Variants in UHMK1 observed in about 807,000 individuals in gnomAD.
UHMK1 encodes U2AF homology motif kinase 1, also known as serine/threonine-protein kinase Kist.
A neutral mutation model predicts 44.0 loss-of-function variants in UHMK1; 18 were observed. The ratio of observed to expected loss-of-function variants is 0.41; its 90% CI spans 0.28 to 0.61. The LOEUF is 0.61. Ranked by LOEUF, UHMK1 falls within the 20% of genes least tolerant of loss-of-function variation. The pLI, the probability that UHMK1 is intolerant of heterozygous loss-of-function variation, is 0.31. For synonymous variants in UHMK1, 231 were observed against 198.5 expected (o/e 1.16, Z -1.38); for missense variants, 463 against 522.5 (o/e 0.89, Z 1.11).
chr1:162,517,861 C>T (rs1379377430), intron 6 of UHMK1, among the ~76,000 whole-genome samples: 2 of 150,886 alleles, frequency 1.3e-5, no homozygotes, highest in Non-Finnish European at 2.9e-5. Flanking sequence ...TGGGGGACAG[C>T]GAGACTCTGT....
rs532378949 is a variant in UHMK1, at chr1:162,498,200, C to G, written c.200C>G (p.Ser67Cys). The change falls in exon 1 of 8, where the codon TCT becomes TGT. Residue 67 changes from serine to cysteine, a missense_variant. Around this residue, in one of 3 missense-constraint regions of UHMK1, gnomAD observed 191 missense variants for 176.0 expected, o/e 1.09. Transcript: ENST00000489294. The part of the protein sequence containing the change: ...LPPGTTGAAA[S>C]AAEYGFRKER... ...CCAGGAACCACCGGGGCTGCGGCCT[C>G]TGCCGCCGAGTATGGTTTCCGCAAA... The G allele has an allele frequency of 3.7e-6, 6 of 1,612,726 alleles. No homozygotes were observed. The South Asian group carries it at 4.4e-5, about 12-fold the overall frequency.
chr1:162,513,701 A>G (rs1651744437), intron 6 of UHMK1, among the ~76,000 whole-genome samples: 1 of 152,178 alleles, frequency 6.6e-6, no homozygotes, highest in African/African-American at 2.4e-5. Flanking sequence ...GTGTCAGAAA[A>G]CAGCAAATTG....
At chr1:162,508,634 G>A (rs1197264909) in intron 4 of UHMK1, among the ~76,000 whole-genome samples, 2 of 151,614 alleles carry the variant, frequency 1.3e-5, no homozygotes, top group Non-Finnish European at 2.9e-5. Flanking sequence ...TCCTGGAGGC[G>A]GAGGTTGCAG....
Position 162,523,687 on chromosome 1 carries a change from T to G in UHMK1, c.*1137T>G, listed in dbSNP as rs1329065034. On this transcript the variant is annotated 3_prime_UTR_variant, in exon 8 of 8. Transcript: ENST00000489294. ...GGAAAATAAAAGGATTCTTTTTTCT[T>G]CCTTTCTGTTTCTCGTATCCCTGCT... The G allele has an allele frequency of 6.6e-6, 1 of 152,246 alleles. No homozygotes were observed. Among genetic ancestry groups the G allele is most frequent in the East Asian group, 1.9e-4 (1 of 5,202 alleles). The allele number at this position is 152,246 out of a possible 1,614,324, so 9.4% of individuals were successfully genotyped here. A position where few individuals can be genotyped will look rare whatever the true frequency, so the allele number is the denominator to read the frequency against.
At chr1:162,509,373 A>G (rs1269152419) in intron 4 of UHMK1, among the ~76,000 whole-genome samples, 1 of 152,126 alleles carries the variant, frequency 6.6e-6, no homozygotes, top group Admixed American at 6.5e-5. Context: ...TAGTTTTAAG[A>G]GGTCTTAGTG....
rs1315052617 is a variant in UHMK1, at chr1:162,497,819, G to A, written c.-182G>A. On this transcript the variant is annotated 5_prime_UTR_variant, in exon 1 of 8. Transcript: ENST00000489294. ...GCTCTTCCTCCATTTCCGGCTTCTG[G>A]GACTCGGGTGCACCACGGCTTCCGG... 9.7e-6 allele frequency: 13 copies of A among 1,346,142 alleles called. No homozygotes were observed. The South Asian group carries it at 1.9e-4, about 20-fold the overall frequency. 83.4% of individuals were successfully genotyped at this position (1,346,142 alleles called of 1,614,324 possible).
intron 6 of UHMK1, among the ~76,000 whole-genome samples, chr1:162,517,827 G>C (rs1651886198): frequency 6.6e-6 from 1 of 151,904 alleles, no homozygotes; most frequent in African/African-American, 2.4e-5. Context: ...GGAGGTTGCA[G>C]TGTCACGCCA....
chr1:162,518,891 A>T (rs1007097077), intron 7 of UHMK1, among the ~76,000 whole-genome samples: 5 of 151,500 alleles, frequency 3.3e-5, no homozygotes, highest in African/African-American at 9.7e-5. Flanking sequence ...GGAGGGGCTG[A>T]GGCAGGAGAA....
Position 162,523,716 on chromosome 1 carries a change from T to A in UHMK1, c.*1166T>A, listed in dbSNP as rs1042217997. The A allele has an allele frequency of 6.6e-6, 1 of 152,142 alleles. No homozygotes were observed. Among genetic ancestry groups the A allele is most frequent in the Non-Finnish European group, 1.5e-5 (1 of 68,026 alleles). 9.4% of individuals were successfully genotyped at this position (152,142 alleles called of 1,614,324 possible). A position where few individuals can be genotyped will look rare whatever the true frequency, so the allele number is the denominator to read the frequency against. ...TTCTGTTTCTCGTATCCCTGCTCCC[T>A]TTTTCCTCCCCTTCCCTCATTCTTT... On this transcript the variant is annotated 3_prime_UTR_variant, in exon 8 of 8. Coordinates refer to ENST00000489294, the MANE Select transcript of UHMK1 (RefSeq NM_175866.5).
rs1285250415 is a variant in UHMK1, at chr1:162,523,656, G to C, written c.*1106G>C. On this transcript the variant is annotated 3_prime_UTR_variant, in exon 8 of 8. Transcript: ENST00000489294. Reference sequence around the variant, plus strand: ...GGAAAAGAAAAAAAATGGGCGAAGAGAGGGTGGAAAATAAAAGGATTCTTT... The same window carrying C: ...GGAAAAGAAAAAAAATGGGCGAAGACAGGGTGGAAAATAAAAGGATTCTTT... The C allele has an allele frequency of 6.6e-6, 1 of 152,376 alleles. No homozygotes were observed. The highest frequency in any genetic ancestry group is 1.5e-5 in the Non-Finnish European group (1 of 68,022). 9.4% of individuals were successfully genotyped at this position (152,376 alleles called of 1,614,324 possible). A position where few individuals can be genotyped will look rare whatever the true frequency, so the allele number is the denominator to read the frequency against.
intron 4 of UHMK1, among the ~76,000 whole-genome samples, chr1:162,511,215 G>A (rs1475300296): frequency 1.5e-5 from 2 of 134,652 alleles, no homozygotes; most frequent in South Asian, 4.6e-4. Context: ...TTTTGAGACA[G>A]GGTCTCGTTC....
At chr1:162,498,701 T>A (rs1006569223) in intron 1 of UHMK1, among the ~76,000 whole-genome samples, 11 of 152,198 alleles carry the variant, frequency 7.2e-5, no homozygotes, top group African/African-American at 2.7e-4. Context: ...ATATCTTTAG[T>A]ACGGATTTGG....
At position 162,514,550 on chromosome 1, in the gene UHMK1, T is replaced by C. The variant is rs116720257; in HGVS notation, c.1024+1727T>C. Among the ~76,000 whole-genome samples, 733 of 152,328 alleles carry C rather than the reference T, an allele frequency of 4.8e-3. 5 individuals are homozygous for C. Among genetic ancestry groups the C allele is most frequent in the African/African-American group, 0.017 (691 of 41,582 alleles). ...AATACAATCTGGTTTGTTTTGTTTA[T>C]TGCTATATTAATAGCACTGACACAC... On this transcript the variant is annotated intron_variant, in intron 6 of 7. Transcript: ENST00000489294.
In UHMK1 at chr1:162,522,942, T is replaced by C. The variant is rs911468514; in HGVS notation, c.*392T>C. On this transcript the variant is annotated 3_prime_UTR_variant, in exon 8 of 8. Transcript: ENST00000489294. The stretch of plus-strand genomic sequence containing the variant: ...TGACATCATTTACAGATTATTTCTT[T>C]ATGTTGTCCAGTGGTTCTTCCTTAT... 1.0e-4 allele frequency: 17 copies of C among 165,652 alleles called. 1 individual carries two copies. The South Asian group carries it at 2.7e-3, about 26-fold the overall frequency. 10.3% of individuals were successfully genotyped at this position (165,652 alleles called of 1,614,324 possible).
At position 162,498,331 on chromosome 1, in the gene UHMK1, C is replaced by A. The variant is rs114284564; in HGVS notation, c.268+63C>A. On this transcript the variant is annotated intron_variant, in intron 1 of 7. Transcript: ENST00000489294. ...CACAGTCCGAGCACACTCTTCCTCT[C>A]GCTGTCTGGCGTTCCATCTTCCTCC... is the stretch of plus-strand genomic sequence containing the variant. The A allele has an allele frequency of 4.0e-6, 6 of 1,505,196 alleles. No homozygotes were observed. In the East Asian group the frequency reaches 1.2e-4, roughly 29 times the overall value. The allele number at this position is 1,505,196 out of a possible 1,614,324, so 93.2% of individuals were successfully genotyped here. A position where few individuals can be genotyped will look rare whatever the true frequency, so the allele number is the denominator to read the frequency against.
At chr1:162,506,391 C>T (rs558269893) in intron 4 of UHMK1, among the ~76,000 whole-genome samples, 2 of 152,130 alleles carry the variant, frequency 1.3e-5, no homozygotes, top group South Asian at 4.2e-4. Context: ...AGTCGCTGAA[C>T]CTTTTTTGTT....
chr1:162,500,897 T>G lies in UHMK1; in HGVS notation c.562-16T>G. The G allele has an allele frequency of 6.2e-7, 1 of 1,606,194 alleles. No individual in the cohort carries two copies. Among genetic ancestry groups the G allele is most frequent in the Non-Finnish European group, 8.5e-7 (1 of 1,175,426 alleles). ...CAGCTTTTTTATTGGTTGTAATATT[T>G]ACTCATCTTTTTTAGGATGTAAAGT... On this transcript the variant is annotated splice_polypyrimidine_tract_variant and intron_variant, in intron 2 of 7. Transcript: ENST00000489294.
intron 4 of UHMK1, among the ~76,000 whole-genome samples, chr1:162,509,032 G>C (rs919651484): frequency 6.6e-6 from 1 of 152,140 alleles, no homozygotes; most frequent in African/African-American, 2.4e-5. Flanking sequence ...TAATCCTCCT[G>C]CCTTTGCCTT....
At chr1:162,508,480 G>C (rs1651553892) in intron 4 of UHMK1, among the ~76,000 whole-genome samples, 1 of 151,212 alleles carries the variant, frequency 6.6e-6, no homozygotes, top group Admixed American at 6.6e-5. Flanking sequence ...GAGGTGAGCA[G>C]ACCACTTGAG....
Sources: gnomAD v4.1 joint callset for allele counts (sites outside exome capture counted in the v4.1 genomes callset) on GRCh38, gnomAD v4.1.1 for gene constraint, gnomAD v4.1.1 regional missense constraint, MANE v1.5 for transcripts, NCBI Gene and HGNC (gene_info 2026-07-23, HGNC 2026-07-21) for gene names.